Variants in MYOT observed in about 807,000 individuals in gnomAD.
The protein encoded by MYOT is 57 kDa cytoskeletal protein.
A neutral mutation model predicts 58.0 loss-of-function variants in MYOT; 36 were observed. The observed-to-expected ratio is 0.62, with a 90% CI of 0.48 to 0.82. The LOEUF is 0.82. MYOT is among the 40% of genes least tolerant of loss of function. MYOT has a pLI of 0.00. For missense variants in MYOT, 505 were observed against 592.1 expected, an observed-to-expected ratio of 0.85 and a Z score of 1.53; for synonymous variants, 218 against 204.6, an observed-to-expected ratio of 1.07 and a Z score of -0.56.
At chr5:137,879,696 T>TC (rs1392951432) in intron 4 of MYOT, among the ~76,000 whole-genome samples, 1 of 145,838 alleles carries the variant, frequency 6.9e-6, no homozygotes, top group Non-Finnish European at 1.5e-5. Flanking sequence ...GGCTTTTTTT[T>TC]TTTTTTTTTT....
chr5:137,886,503 GTTTTC>G lies in MYOT; in HGVS notation c.1190+304_1190+308del, dbSNP rs918720195. On this transcript the variant is annotated intron_variant, in intron 8 of 9. Transcript: ENST00000239926. ...GACATAAACAAGATTAAAGGGGGAT[GTTTTC>G]TTTTCTTTTCTTTCTTTACAAAAAG... Among the ~76,000 whole-genome samples the G allele has an allele frequency of 3.3e-5, 5 of 152,174 alleles. 1 individual carries two copies. Among genetic ancestry groups the G allele is most frequent in the Admixed American group, 6.5e-5 (1 of 15,282 alleles).
intron 5 of MYOT, among the ~76,000 whole-genome samples, chr5:137,881,087 C>A (rs948567231): frequency 1.3e-5 from 2 of 152,108 alleles, no homozygotes; most frequent in African/African-American, 2.4e-5. Flanking sequence ...CAGGATCATG[C>A]TTCTATATTA....
intron 7 of MYOT, among the ~76,000 whole-genome samples, chr5:137,885,771 C>CA (rs71583286): frequency 0.13 from 4,034 of 30,944 alleles, 1,042 homozygotes; most frequent in East Asian, 0.44. Flanking sequence ...GACTCTGTCT[C>CA]AAAAAAAAAA....
At chr5:137,878,005 TA>T (rs1292863043) in intron 4 of MYOT, among the ~76,000 whole-genome samples, 1 of 152,218 alleles carries the variant, frequency 6.6e-6, no homozygotes, top group Non-Finnish European at 1.5e-5. Flanking sequence ...ACCTTTCTCA[TA>T]AGCTGTTTAA....
chr5:137,878,002 T>C (rs1755287662), intron 4 of MYOT, among the ~76,000 whole-genome samples: 1 of 152,220 alleles, frequency 6.6e-6, no homozygotes, highest in Non-Finnish European at 1.5e-5. Context: ...ATAACCTTTC[T>C]CATAAGCTGT....
Position 137,887,017 on chromosome 5 carries a change from A to G in MYOT, c.1324+20A>G. 1 of 1,607,870 alleles carries G rather than the reference A, an allele frequency of 6.2e-7. No homozygotes were observed. The highest frequency in any genetic ancestry group is 1.7e-5 in the Admixed American group (1 of 60,024). On this transcript the variant is annotated intron_variant, in intron 9 of 9. Transcript: ENST00000239926. ...TTACGGGTATGTCATACTATTAACC[A>G]AAGTATTATAAGGGATTTAACTAGG...
At chr5:137,870,104 CA>C (rs1754992223) in intron 1 of MYOT, among the ~76,000 whole-genome samples, 1 of 117,848 alleles carries the variant, frequency 8.5e-6, no homozygotes, top group Non-Finnish European at 1.7e-5. Context: ...GTCTAGGCAA[CA>C]TAGTGAAACC....
Position 137,880,783 on chromosome 5 carries a change from ATGTAAACATTCTTACTT to A in MYOT, c.634-29_634-13del, listed in dbSNP as rs1489176538. On this transcript the variant is annotated splice_polypyrimidine_tract_variant and intron_variant, in intron 4 of 9. Coordinates refer to ENST00000239926, the MANE Select transcript of MYOT (RefSeq NM_006790.3). ...CTGCTTCATTCAAGCTAACAATTGC[ATGTAAACATTCTTACTT>A]TGTTTTAATTTCAAGCAACACAACT... 1 of 1,563,252 alleles carries A rather than the reference ATGTAAACATTCTTACTT, an allele frequency of 6.4e-7. No individual in the cohort carries two copies. The highest frequency in any genetic ancestry group is 1.7e-5 in the Admixed American group (1 of 59,912).
chr5:137,877,498 T>C (rs1457092962), intron 3 of MYOT, 22 bp from the exon 4 acceptor site: 4 of 1,514,550 alleles, frequency 2.6e-6, no homozygotes, highest in Non-Finnish European at 3.7e-6. Context: ...ATCTAATTAC[T>C]GTCTCAATAA....
At chr5:137,886,699 A>AG (rs1755612219) in intron 8 of MYOT, 165 bp from the exon 9 acceptor site, 8 of 655,406 alleles carry the variant, frequency 1.2e-5, no homozygotes, top group Admixed American at 2.5e-5. Context: ...ACAGCACCCA[A>AG]GGGGGGATGT....
At chr5:137,880,934 T>C (rs1452447232) in intron 5 of MYOT, 69 bp downstream of exon 5, 1 of 1,138,482 alleles carries the variant, frequency 8.8e-7, no homozygotes, top group African/African-American at 1.5e-5. Context: ...AAAAATGTAA[T>C]ATTTATAAAG....
At chr5:137,877,704 T>C in intron 4 of MYOT, 83 bp downstream of exon 4, 1 of 1,025,592 alleles carries the variant, frequency 9.8e-7, no homozygotes, top group African/African-American at 1.6e-5. Flanking sequence ...ATAAATAGCA[T>C]CTGAAATAAA....
rs566265335 is a variant in MYOT, at chr5:137,870,126, TAA to T, written c.-211-298_-211-297del. Among the ~76,000 whole-genome samples the T allele has an allele frequency of 2.8e-3, 243 of 86,870 alleles. 1 individual carries two copies. Among genetic ancestry groups the T allele is most frequent in the African/African-American group, 9.1e-3 (229 of 25,254 alleles). The allele number at this position is 86,870 out of a possible 152,430, so 57.0% of individuals were successfully genotyped here. ...CAACATAGTGAAACCCTGTCTCTAC[TAA>T]AAAAAAAAAAAAAAAAGAAAGAAAG... On this transcript the variant is annotated intron_variant, in intron 1 of 9. Coordinates refer to ENST00000239926, the MANE Select transcript of MYOT (RefSeq NM_006790.3).
rs937531565 is a variant in MYOT at position 137,887,104 on chromosome 5, A to G, written c.1324+107A>G. On this transcript the variant is annotated intron_variant, in intron 9 of 9. Coordinates refer to ENST00000239926, the MANE Select transcript of MYOT (RefSeq NM_006790.3). ...AAAATTTGAGATATTTTCCCCATAT[A>G]TAATCAGTTTTGGTTCTTTTTTCTT... is the stretch of plus-strand genomic sequence containing the variant. 3.2e-6 allele frequency: 5 copies of G among 1,552,022 alleles called. No individual in the cohort carries two copies. The Middle Eastern group carries it at 6.7e-4, about 208-fold the overall frequency.
At position 137,880,867 on chromosome 5, in the gene MYOT, TA is replaced by T. The variant is rs760217241; in HGVS notation, c.683+8del. The stretch of plus-strand genomic sequence containing the variant: ...GCAAGTTCCTACATCACAAGTAAGG[TA>T]AAAAATTTTAATTTTAAAGAAATGT... On this transcript the variant is annotated splice_donor_region_variant and intron_variant, in intron 5 of 9. Coordinates refer to ENST00000239926, the MANE Select transcript of MYOT (RefSeq NM_006790.3). The T allele has an allele frequency of 1.4e-4, 230 of 1,592,444 alleles. No individual in the cohort carries two copies. The highest frequency in any genetic ancestry group is 5.0e-4 in the African/African-American group (37 of 74,560).
chr5:137,871,057 G>A, intron 2 of MYOT, 50 bp downstream of exon 2: 1 of 1,506,610 alleles, frequency 6.6e-7, no homozygotes, highest in South Asian at 1.2e-5. Context: ...TATCTGAGGA[G>A]TTTGCGAGGG....
chr5:137,868,459 AT>A (rs1450139004), intron 1 of MYOT, among the ~76,000 whole-genome samples: 1 of 152,212 alleles, frequency 6.6e-6, no homozygotes, highest in Non-Finnish European at 1.5e-5. Flanking sequence ...CATAAAGAAA[AT>A]ACAGGATCAC....
In MYOT at chr5:137,882,097, G is replaced by C. The variant is rs1561663452; in HGVS notation, c.808G>C (p.Asp270His). Residue 270 changes from aspartate (D) to histidine (H), a missense_variant, in exon 6 of 10, where the codon GAC becomes CAC. Transcript: ENST00000239926. ...SIDEGRFCRM[D>H]FKVSGLPAPD... The stretch of plus-strand genomic sequence containing the variant: ...TGATGAAGGAAGATTCTGCAGAATG[G>C]ACTTCAAAGTAAGAGAAGGGTTCAA... 2.5e-6 allele frequency: 4 copies of C among 1,614,180 alleles called. No homozygotes were observed. The highest frequency in any genetic ancestry group is 1.7e-6 in the Non-Finnish European group (2 of 1,180,024).
intron 2 of MYOT, among the ~76,000 whole-genome samples, chr5:137,873,547 A>G (rs1755115250): frequency 1.4e-5 from 2 of 145,642 alleles, no homozygotes; most frequent in South Asian, 4.3e-4. Flanking sequence ...ACTCCGTCTC[A>G]AAAAAAAAAA....
Sources: gnomAD v4.1 joint callset for allele counts (sites outside exome capture counted in the v4.1 genomes callset) on GRCh38, gnomAD v4.1.1 for gene constraint, MANE v1.5 for transcripts, NCBI Gene and HGNC (gene_info 2026-07-23, HGNC 2026-07-21) for gene names.